Variants in PACRG observed in about 807,000 individuals in gnomAD.
PACRG encodes parkin coregulated gene protein.
Under a neutral mutation model 29.7 loss-of-function variants are expected in PACRG, and 29 were observed. The observed-to-expected ratio is 0.98, with a 90% confidence interval of 0.73 to 1.33. The LOEUF is 1.33. Among genes scored for constraint, PACRG ranks in the 40% most tolerant of loss-of-function variants. The probability of loss-of-function intolerance (pLI) is 0.00; values close to 1 mark genes in which losing one functional copy is unlikely to be tolerated. For synonymous variants in PACRG, 116 were observed against 118.7 expected, an observed-to-expected ratio of 0.98 and a Z score of 0.15; for missense variants, 279 against 316.2, an observed-to-expected ratio of 0.88 and a Z score of 0.89.
At chr6:163,115,600 A>T (rs1228990320) in intron 4 of PACRG, among the ~76,000 whole-genome samples, 1 of 122,176 alleles carries the variant, frequency 8.2e-6, no homozygotes, top group Admixed American at 7.7e-5. Context: ...GCCAAACCTG[A>T]AGGATGAAAA....
At chr6:163,039,296 A>C (rs1290662317) in intron 2 of PACRG, among the ~76,000 whole-genome samples, 3 of 152,190 alleles carry the variant, frequency 2.0e-5, no homozygotes, top group Admixed American at 1.3e-4. Context: ...GAGTCAATTA[A>C]ACCTCTTTCC....
At chr6:162,917,926 A>T (rs976311287) in intron 2 of PACRG, among the ~76,000 whole-genome samples, 4 of 152,202 alleles carry the variant, frequency 2.6e-5, no homozygotes, top group Non-Finnish European at 5.9e-5. Flanking sequence ...AGACTGATGT[A>T]CCATTCTGTG....
chr6:162,961,945 G>A (rs1022332663), intron 2 of PACRG, among the ~76,000 whole-genome samples: 6 of 152,144 alleles, frequency 3.9e-5, no homozygotes, highest in Non-Finnish European at 7.3e-5. Context: ...CTTAGTAAAC[G>A]GTTAGTGCTC....
intron 3 of PACRG, among the ~76,000 whole-genome samples, chr6:163,067,266 G>T (rs1345008396): frequency 6.6e-6 from 1 of 152,224 alleles, no homozygotes; most frequent in Admixed American, 6.5e-5. Flanking sequence ...TGCTGTTGCT[G>T]CCGGGCTGAG....
At chr6:163,005,821 G>A (rs909056137) in intron 2 of PACRG, among the ~76,000 whole-genome samples, 2 of 147,522 alleles carry the variant, frequency 1.4e-5, no homozygotes, top group African/African-American at 4.9e-5. Context: ...AGTTATACGT[G>A]TTATATATAT....
At chr6:163,050,297 TAA>T (rs964476039) in intron 2 of PACRG, among the ~76,000 whole-genome samples, 43 of 152,280 alleles carry the variant, frequency 2.8e-4, no homozygotes, top group African/African-American at 1.0e-3. Context: ...AATTATTTGA[TAA>T]GTCTAAAGGG....
At chr6:163,225,351 C>T (rs1052004782) in intron 4 of PACRG, among the ~76,000 whole-genome samples, 4 of 152,174 alleles carry the variant, frequency 2.6e-5, no homozygotes, top group Admixed American at 6.5e-5. Flanking sequence ...TGAGTTCTCA[C>T]GAGATCTGAT....
intron 2 of PACRG, among the ~76,000 whole-genome samples, chr6:162,973,726 T>C (rs1801719084): frequency 6.6e-6 from 1 of 152,294 alleles, no homozygotes; most frequent in African/African-American, 2.4e-5. Flanking sequence ...AAATAAATTG[T>C]CCTGCTTTGC....
chr6:163,142,810 A>G (rs1251208114), intron 4 of PACRG, among the ~76,000 whole-genome samples: 4 of 152,208 alleles, frequency 2.6e-5, no homozygotes, highest in South Asian at 2.1e-4. Context: ...TCTCCATAAA[A>G]CATAACCCCA....
chr6:162,885,267 T>C (rs1420573521), intron 2 of PACRG, among the ~76,000 whole-genome samples: 1 of 148,446 alleles, frequency 6.7e-6, no homozygotes, highest in Non-Finnish European at 1.5e-5. Context: ...TTTCTTTCTC[T>C]TTTTTTTTTA....
intron 4 of PACRG, among the ~76,000 whole-genome samples, chr6:163,269,991 GAAAGAAAGAAAGAAA>G (rs1562350540): frequency 1.8e-4 from 19 of 102,912 alleles, no homozygotes; most frequent in Admixed American, 3.9e-4. Flanking sequence ...AAGAAAGAAA[GAAAGAAAGAAAGAAA>G]GGAGGGAGGG....
rs75087778 is a variant in PACRG at position 163,305,382 on chromosome 6, G to A, written c.614-9445G>A. Among the ~76,000 whole-genome samples, 452 of 152,180 alleles carry A rather than the reference G, an allele frequency of 3.0e-3. 1 individual carries two copies. The highest frequency in any genetic ancestry group is 0.01 in the African/African-American group (425 of 41,496). ...TTTTACCTTCTCACTCTATTCCTGC[G>A]ATCCCACAGTTATAGGTTCTCCTCG... is the stretch of plus-strand genomic sequence containing the variant. On this transcript the variant is annotated intron_variant, in intron 4 of 4. Coordinates refer to ENST00000366888, the MANE Select transcript of PACRG (RefSeq NM_001080379.2).
upstream of PACRG, chr6:162,727,286 G>A (rs531774976): frequency 2.2e-4 from 72 of 321,152 alleles, no homozygotes; most frequent in African/African-American, 1.5e-3. Flanking sequence ...TGAGGTGAGG[G>A]GCGAAGGTGA....
chr6:162,837,017 T>C (rs1789284644), intron 2 of PACRG, among the ~76,000 whole-genome samples: 2 of 152,034 alleles, frequency 1.3e-5, no homozygotes, highest in Non-Finnish European at 1.5e-5. Flanking sequence ...TTACAGAAAA[T>C]TTAAGTATTT....
intron 2 of PACRG, among the ~76,000 whole-genome samples, chr6:162,881,131 C>T (rs892354356): frequency 6.6e-6 from 1 of 152,218 alleles, no homozygotes; most frequent in Non-Finnish European, 1.5e-5. Flanking sequence ...GCTCAGCCAG[C>T]CTCAGTGCAT....
At chr6:163,251,073 G>T (rs143190569) in intron 4 of PACRG, among the ~76,000 whole-genome samples, 81 of 151,928 alleles carry the variant, frequency 5.3e-4, no homozygotes, top group African/African-American at 1.8e-3. Flanking sequence ...GAATGCAAAG[G>T]CATAAGAATG....
intron 4 of PACRG, among the ~76,000 whole-genome samples, chr6:163,134,700 T>C (rs13209731): frequency 0.14 from 21,764 of 152,166 alleles, 1,541 homozygotes; most frequent in African/African-American, 0.15. Flanking sequence ...ATTCCTGGAA[T>C]TGTAGCACAT....
chr6:163,187,236 T>G (rs991867728), intron 4 of PACRG, among the ~76,000 whole-genome samples: 1 of 152,188 alleles, frequency 6.6e-6, no homozygotes, highest in Non-Finnish European at 1.5e-5. Flanking sequence ...CTCCGTTGTA[T>G]GCCCAACATC....
At chr6:162,874,195 G>A (rs1205939235) in intron 2 of PACRG, among the ~76,000 whole-genome samples, 1 of 149,116 alleles carries the variant, frequency 6.7e-6, no homozygotes, top group Non-Finnish European at 1.5e-5. Context: ...TGAAGGCTAG[G>A]GTATCAAATA....
Sources: gnomAD v4.1 joint callset for allele counts (sites outside exome capture counted in the v4.1 genomes callset) on GRCh38, gnomAD v4.1.1 for gene constraint, MANE v1.5 for transcripts, NCBI Gene and HGNC (gene_info 2026-07-23, HGNC 2026-07-21) for gene names.